The following ZNF268 variants were observed in gnomAD, a reference collection of about 807,000 sequenced individuals.
ZNF268 encodes zinc finger protein 268.
In ZNF268, 20 loss-of-function variants were observed where a neutral mutation model predicts 29.3. That is an observed-to-expected ratio of 0.68 (90% CI 0.48 to 0.99). The LOEUF is 0.99. Ranked by LOEUF, ZNF268 falls within the 50% of genes least tolerant of loss-of-function variation. The pLI is 0.00. For missense variants in ZNF268, 1,240 were observed against 1,121.6 expected, an observed-to-expected ratio of 1.11 and a Z score of -1.51; for synonymous variants, 429 against 376.9, an observed-to-expected ratio of 1.14 and a Z score of -1.60.
intron 3 of ZNF268, among the ~76,000 whole-genome samples, chr12:133,191,251 A>T (rs980666251): frequency 4.0e-5 from 6 of 151,684 alleles, no homozygotes; most frequent in Admixed American, 3.9e-4. Flanking sequence ...CAGGAGGTAT[A>T]CCTTGCAGTG....
At position 133,210,850 on chromosome 12, in the gene ZNF268, G is replaced by A. The variant is rs1404593193; in HGVS notation, c.*6320G>A. ...GGTCTGTGAGCAGAATGCAGGTACTGCAAGCAGGCTAGACAAGGTGTGTGC... is the reference window on the plus strand; with the variant it reads ...GGTCTGTGAGCAGAATGCAGGTACTACAAGCAGGCTAGACAAGGTGTGTGC... On this transcript the variant is annotated 3_prime_UTR_variant, in exon 6 of 6. Coordinates refer to ENST00000536435, the MANE Select transcript of ZNF268 (RefSeq NM_003415.3). 2.2e-6 allele frequency: 1 copy of A among 455,956 alleles called. No individual in the cohort carries two copies. The allele number at this position is 455,956 out of a possible 1,614,324, so 28.2% of individuals were successfully genotyped here.
At position 133,204,582 on chromosome 12, in the gene ZNF268, A is replaced by G. The variant is rs1956851567; in HGVS notation, c.*52A>G. The G allele has an allele frequency of 7.6e-7, 1 of 1,309,338 alleles. No homozygotes were observed. Among genetic ancestry groups the G allele is most frequent in the African/African-American group, 1.5e-5 (1 of 67,194 alleles). 81.1% of individuals were successfully genotyped at this position (1,309,338 alleles called of 1,614,324 possible). On this transcript the variant is annotated 3_prime_UTR_variant, in exon 6 of 6. Coordinates refer to ENST00000536435, the MANE Select transcript of ZNF268 (RefSeq NM_003415.3). The stretch of plus-strand genomic sequence containing the variant: ...ATTCACAAGAGATAGAAACAATCAT[A>G]TATAAAGAGAAACTCTGTAAGTGGA...
chr12:133,203,449 A>G lies in ZNF268; in HGVS notation c.1763A>G (p.Asp588Gly). The G allele has an allele frequency of 6.5e-7, 1 of 1,542,522 alleles. No individual in the cohort carries two copies. The highest frequency in any genetic ancestry group is 8.7e-7 in the Non-Finnish European group (1 of 1,148,636). The change falls in exon 6 of 6, where the codon GAC (aspartate) becomes GGC (glycine). Residue 588 changes from aspartate (D) to glycine (G), a missense_variant. Asp to Gly is a moderately conservative substitution (Grantham distance 94, BLOSUM62 -1). Transcript: ENST00000536435. ...GGAGAGAAGCCTTATGAATGCACCG[A>G]CTGTGGAAAGGCTTTTGGTTTAAAG... Reference protein sequence around the residue: ...HAGEKPYECTDCGKAFGLKSQ... With the variant: ...HAGEKPYECTGCGKAFGLKSQ...
At chr12:133,182,532 C>T (rs763674683) in intron 2 of ZNF268, among the ~76,000 whole-genome samples, 1 of 152,098 alleles carries the variant, frequency 6.6e-6, no homozygotes, top group East Asian at 1.9e-4. Flanking sequence ...AATGAGTGCT[C>T]TGGGAGCAGG....
rs966868201 is a variant in ZNF268 at position 133,209,376 on chromosome 12, A to T, written c.*4846A>T. 1 of 152,198 alleles carries T rather than the reference A, an allele frequency of 6.6e-6. No homozygotes were observed. The highest frequency in any genetic ancestry group is 2.4e-5 in the African/African-American group (1 of 41,440). The allele number at this position is 152,198 out of a possible 1,614,324, so 9.4% of individuals were successfully genotyped here. A position where few individuals can be genotyped will look rare whatever the true frequency, so the allele number is the denominator to read the frequency against. The stretch of plus-strand genomic sequence containing the variant: ...ACCTGCCTTGGCCTCCCAAAGTGCT[A>T]GGATTACAGGTGTGAGCCAAGCACC... On this transcript the variant is annotated 3_prime_UTR_variant, in exon 6 of 6. Coordinates refer to ENST00000536435, the MANE Select transcript of ZNF268 (RefSeq NM_003415.3).
intron 3 of ZNF268, 76 bp downstream of exon 3, chr12:133,188,148 T>A: frequency 7.5e-7 from 1 of 1,327,606 alleles, no homozygotes; most frequent in Non-Finnish European, 1.0e-6. Context: ...GGGATGGAGA[T>A]CCTTAGGTCA....
In ZNF268 at chr12:133,203,898, C is replaced by T. The variant is rs776258463; in HGVS notation, c.2212C>T (p.Gln738Ter). The stretch of plus-strand genomic sequence containing the variant: ...CGGGAAATCCTTTAGTTTCAATTCA[C>T]AACTCATTGTGCATCAGAGAATTCA... ...ECGKSFSFNS[Q>*]LIVHQRIHTG... Residue 738 changes from glutamine to a stop codon, truncating the protein, a stop_gained, in exon 6 of 6, where the codon CAA becomes TAA. Transcript: ENST00000536435. LOFTEE classifies it low-confidence loss of function (END_TRUNC). 1.3e-6 allele frequency: 2 copies of T among 1,580,560 alleles called. No homozygotes were observed. The highest frequency in any genetic ancestry group is 1.7e-6 in the Non-Finnish European group (2 of 1,166,302).
chr12:133,197,954 G>C (rs1184434408), intron 5 of ZNF268, among the ~76,000 whole-genome samples: 2 of 152,078 alleles, frequency 1.3e-5, no homozygotes, highest in Non-Finnish European at 2.9e-5. Context: ...AGATGAGCAG[G>C]TTGTGAAAAT....
chr12:133,192,619 T>G (rs975424508), intron 5 of ZNF268, among the ~76,000 whole-genome samples: 4 of 152,198 alleles, frequency 2.6e-5, no homozygotes, highest in African/African-American at 9.6e-5. Context: ...CCCATCTTCC[T>G]TCTTTTTGAA....
rs1956807412 is a variant in ZNF268 at position 133,203,412 on chromosome 12, A to G, written c.1726A>G (p.Arg576Gly). ...GAAATACCAGCTTATTTCACACCAG[A>G]GAACTCATGCAGGAGAGAAGCCTTA... ...SRKYQLISHQ[R>G]THAGEKPYEC... Residue 576 changes from arginine (R) to glycine (G), a missense_variant, in exon 6 of 6, where the codon AGA becomes GGA. Around this residue, in one of 3 missense-constraint regions of ZNF268, gnomAD observed 1,177 missense variants for 1,039.6 expected, o/e 1.13. Transcript: ENST00000536435. 2 of 1,544,976 alleles carry G rather than the reference A, an allele frequency of 1.3e-6. No homozygotes were observed. The highest frequency in any genetic ancestry group is 1.7e-6 in the Non-Finnish European group (2 of 1,149,754).
Position 133,202,719 on chromosome 12 carries a change from T to A in ZNF268, c.1033T>A (p.Ser345Thr). Reference protein sequence around the residue: ...SECRKTFSFHSQLVIHQRIHT... With the variant: ...SECRKTFSFHTQLVIHQRIHT... ...ATGCAGGAAAACATTCAGTTTCCAT[T>A]CACAGCTTGTTATACATCAGAGAAT... The change falls in exon 6 of 6, where the codon TCA becomes ACA. Residue 345 changes from serine to threonine, a missense_variant. By Grantham distance (58) the Ser-to-Thr change is moderately conservative (BLOSUM62 1). This residue lies in a region of ZNF268 where 1,177 missense variants were observed against 1,039.6 expected (regional missense o/e 1.13). Transcript: ENST00000536435. 5 of 1,611,768 alleles carry A rather than the reference T, an allele frequency of 3.1e-6. No individual in the cohort carries two copies. Among genetic ancestry groups the A allele is most frequent in the Non-Finnish European group, 4.2e-6 (5 of 1,179,014 alleles).
intron 5 of ZNF268, among the ~76,000 whole-genome samples, chr12:133,196,037 AAAAAG>A (rs1956585916): frequency 6.6e-6 from 1 of 150,672 alleles, no homozygotes; most frequent in Non-Finnish European, 1.5e-5. Context: ...AAAAAAAAAA[AAAAAG>A]GCCAGGTGTG....
rs538501231 is a variant in ZNF268 at position 133,188,024 on chromosome 12, A to G, written c.186A>G (p.Leu62=). The G allele has an allele frequency of 4.4e-6, 7 of 1,595,922 alleles. No individual in the cohort carries two copies. The highest frequency in any genetic ancestry group is 2.7e-5 in the African/African-American group (2 of 74,776). Reference sequence around the variant, plus strand: ...AGAGTCGCAGAATAGAGAAAGTCCTAGAGTGGCTGTTTATTTCCCAAGAGC... The same window carrying G: ...AGAGTCGCAGAATAGAGAAAGTCCTGGAGTGGCTGTTTATTTCCCAAGAGC... ...KQKSRRIEKV[L]EWLFISQEQP... is the part of the protein sequence containing the mutation. Residue 62 remains leucine, a synonymous_variant, in exon 3 of 6, where the codon CTA becomes CTG. Coordinates refer to ENST00000536435, the MANE Select transcript of ZNF268 (RefSeq NM_003415.3).
At chr12:133,187,453 A>G (rs1956351027) in intron 2 of ZNF268, among the ~76,000 whole-genome samples, 1 of 151,614 alleles carries the variant, frequency 6.6e-6, no homozygotes, top group Admixed American at 6.6e-5. Context: ...TTATGTGGTC[A>G]GATATTTTGG....
At chr12:133,188,536 A>T (rs1355000034) in intron 3 of ZNF268, among the ~76,000 whole-genome samples, 1 of 152,116 alleles carries the variant, frequency 6.6e-6, no homozygotes, top group Admixed American at 6.6e-5. Flanking sequence ...TAAGGTCCTT[A>T]TCTACCTTTA....
At chr12:133,181,740 T>C in intron 1 of ZNF268, 54 bp downstream of exon 1, 1 of 542,516 alleles carries the variant, frequency 1.8e-6, no homozygotes, top group East Asian at 3.0e-5. Context: ...CTAATCTGCC[T>C]TAGCTCTCTC....
chr12:133,191,125 G>C (rs1219322349), intron 3 of ZNF268, among the ~76,000 whole-genome samples: 1 of 151,980 alleles, frequency 6.6e-6, no homozygotes, highest in East Asian at 1.9e-4. Context: ...GACCATCCTG[G>C]CTAACACAGT....
At position 133,211,100 on chromosome 12, in the gene ZNF268, AAAGTC is replaced by A. The variant is rs1956972510; in HGVS notation, c.*6575_*6579del. 2.3e-6 allele frequency: 1 copy of A among 440,498 alleles called. No homozygotes were observed. Among genetic ancestry groups the A allele is most frequent in the Admixed American group, 2.4e-5 (1 of 41,606 alleles). The allele number at this position is 440,498 out of a possible 1,614,324, so 27.3% of individuals were successfully genotyped here. A position where few individuals can be genotyped will look rare whatever the true frequency, so the allele number is the denominator to read the frequency against. On this transcript the variant is annotated 3_prime_UTR_variant, in exon 6 of 6. Transcript: ENST00000536435. The stretch of plus-strand genomic sequence containing the variant: ...AAGGCAAAGTAGATGGCCATAGACA[AAAGTC>A]AAGTGATTTCCTATATATTTGAAAT...
chr12:133,210,402 C>T lies in ZNF268; in HGVS notation c.*5872C>T, dbSNP rs141293599. The T allele has an allele frequency of 2.0e-4, 38 of 185,446 alleles. No homozygotes were observed. The highest frequency in any genetic ancestry group is 3.6e-4 in the Non-Finnish European group (31 of 86,222). 11.5% of individuals were successfully genotyped at this position (185,446 alleles called of 1,614,324 possible). ...TACTCTGGTCATCACTGTGATCTAC[C>T]TCCCAGGGGTCCCCAGGTTGGTCCT... On this transcript the variant is annotated 3_prime_UTR_variant, in exon 6 of 6. Coordinates refer to ENST00000536435, the MANE Select transcript of ZNF268 (RefSeq NM_003415.3).
Sources: allele counts gnomAD v4.1 joint callset (sites outside exome capture counted in the v4.1 genomes callset), GRCh38; gene constraint gnomAD v4.1.1; regional missense constraint gnomAD v4.1.1; transcripts MANE v1.5; gene names NCBI Gene and HGNC (gene_info 2026-07-23, HGNC 2026-07-21).